The following ADGRG6 variants were observed in gnomAD, a reference collection of about 807,000 sequenced individuals.
ADGRG6 encodes the protein G-protein coupled receptor 126.
In ADGRG6, 84 loss-of-function variants were observed where a neutral mutation model predicts 142.4. The observed-to-expected ratio is 0.59, with a 90% CI of 0.49 to 0.71. The LOEUF (loss-of-function observed/expected upper bound fraction) is 0.71, where lower values mean the gene tolerates loss of function less well. ADGRG6 is among the 30% of genes least tolerant of loss of function. The pLI, the probability that ADGRG6 is intolerant of heterozygous loss-of-function variation, is 0.00. For missense variants in ADGRG6, 1,367 were observed against 1,466.6 expected (o/e 0.93, Z 1.11); for synonymous variants, 521 against 520.5 (o/e 1.00, Z -0.01).
intron 2 of ADGRG6, among the ~76,000 whole-genome samples, chr6:142,356,856 T>C (rs540503822): frequency 1.3e-5 from 2 of 152,148 alleles, no homozygotes; most frequent in South Asian, 4.1e-4. Context: ...AGGAAGGTGA[T>C]TTAGTCTGTC....
intron 6 of ADGRG6, among the ~76,000 whole-genome samples, chr6:142,385,046 A>G (rs1781958877): frequency 6.6e-6 from 1 of 152,018 alleles, no homozygotes; most frequent in African/African-American, 2.4e-5. Flanking sequence ...TATAATTCTA[A>G]CTAAGTATTT....
intron 2 of ADGRG6, among the ~76,000 whole-genome samples, chr6:142,364,205 T>C (rs148672093): frequency 1.9e-3 from 291 of 152,268 alleles, no homozygotes; most frequent in Non-Finnish European, 3.3e-3. Flanking sequence ...ATGTGAAAGC[T>C]TGTTATTGTG....
intron 9 of ADGRG6, among the ~76,000 whole-genome samples, chr6:142,396,628 A>G (rs759937693): frequency 2.0e-5 from 3 of 152,140 alleles, no homozygotes; most frequent in Non-Finnish European, 4.4e-5. Flanking sequence ...TAAAAACAAT[A>G]CTACCACTTT....
At chr6:142,350,992 T>C (rs1412135181) in intron 2 of ADGRG6, among the ~76,000 whole-genome samples, 1 of 152,032 alleles carries the variant, frequency 6.6e-6, no homozygotes, top group East Asian at 1.9e-4. Flanking sequence ...TCCCAGCACT[T>C]TGGGAGGCCA....
rs1775268423 is a variant in ADGRG6, at chr6:142,397,602, T to C, written c.1425-11T>C. 8.7e-6 allele frequency: 14 copies of C among 1,606,568 alleles called. No individual in the cohort carries two copies. The highest frequency in any genetic ancestry group is 1.1e-5 in the Non-Finnish European group (13 of 1,177,064). ...ACAACAACAACAGTTCTATCCGAAA[T>C]GTTTCCCTAGGTTGGTGCTTTGGGC... On this transcript the variant is annotated splice_polypyrimidine_tract_variant and intron_variant, in intron 9 of 24. Coordinates refer to ENST00000367609, the MANE Select transcript of ADGRG6 (RefSeq NM_198569.3).
Position 142,370,604 on chromosome 6 carries a change from G to A in ADGRG6, c.880G>A (p.Gly294Ser). The A allele has an allele frequency of 6.2e-7, 1 of 1,612,830 alleles. No individual in the cohort carries two copies. Among genetic ancestry groups the A allele is most frequent in the Non-Finnish European group, 8.5e-7 (1 of 1,178,992 alleles). The change falls in exon 4 of 25, where the codon GGC becomes AGC. Residue 294 changes from glycine to serine, a missense_variant. Gly to Ser is a moderately conservative substitution (Grantham distance 56, BLOSUM62 0). This residue lies in a region of ADGRG6 where 737 missense variants were observed against 746.5 expected (regional missense o/e 0.99). Transcript: ENST00000367609. ...TCCTGGGAATGGGAAATTGTTGTTGGGCTCCAATCAAAATGAAATTGTCTC... is the reference window on the plus strand; with the variant it reads ...TCCTGGGAATGGGAAATTGTTGTTGAGCTCCAATCAAAATGAAATTGTCTC... ...VIPGNGKLLL[G>S]SNQNEIVSLK...
At chr6:142,431,732 G>C (rs1249232659) in intron 22 of ADGRG6, among the ~76,000 whole-genome samples, 1 of 152,070 alleles carries the variant, frequency 6.6e-6, no homozygotes, top group African/African-American at 2.4e-5. Flanking sequence ...AGACCAGCCT[G>C]GCAAATATGG....
At chr6:142,421,013 G>A (rs1249022874) in intron 22 of ADGRG6, among the ~76,000 whole-genome samples, 1 of 152,110 alleles carries the variant, frequency 6.6e-6, no homozygotes, top group Non-Finnish European at 1.5e-5. Flanking sequence ...GATGTCTGGG[G>A]AAGAAATTGC....
At chr6:142,421,740 C>T (rs1187132094) in intron 22 of ADGRG6, among the ~76,000 whole-genome samples, 2 of 152,072 alleles carry the variant, frequency 1.3e-5, no homozygotes, top group Non-Finnish European at 2.9e-5. Flanking sequence ...AGCATGGGTC[C>T]CCTGTCAGGA....
chr6:142,367,863 G>T lies in ADGRG6; in HGVS notation c.398G>T (p.Ser133Ile). ...SANEMHVSFS[S>I]DFSIQKKGFN... is the part of the protein sequence containing the mutation. ...AATGAGATGCATGTGTCCTTTTCAA[G>T]TGACTTTAGCATCCAGAAGAAAGGT... is the stretch of plus-strand genomic sequence containing the variant. Residue 133 changes from serine (S) to isoleucine (I), a missense_variant, in exon 3 of 25, where the codon AGT becomes ATT. Coordinates refer to ENST00000367609, the MANE Select transcript of ADGRG6 (RefSeq NM_198569.3). The T allele has an allele frequency of 6.2e-7, 1 of 1,612,904 alleles. No homozygotes were observed.
chr6:142,363,306 A>C (rs1294239045), intron 2 of ADGRG6, among the ~76,000 whole-genome samples: 1 of 152,078 alleles, frequency 6.6e-6, no homozygotes, highest in Non-Finnish European at 1.5e-5. Context: ...ACTTGTGGCA[A>C]AGGTAGAGTA....
At chr6:142,390,370 T>C in intron 7 of ADGRG6, 27 bp downstream of exon 7, 1 of 1,345,234 alleles carries the variant, frequency 7.4e-7, no homozygotes, top group African/African-American at 1.5e-5. Context: ...CTTTTCTTTT[T>C]TAAAAAAATT....
chr6:142,320,321 A>T (rs1249234739), intron 2 of ADGRG6, among the ~76,000 whole-genome samples: 3 of 152,104 alleles, frequency 2.0e-5, no homozygotes, highest in Non-Finnish European at 4.4e-5. Context: ...AAAATACATT[A>T]AAAACTTAAA....
chr6:142,372,420 T>A (rs1225743894), intron 4 of ADGRG6, among the ~76,000 whole-genome samples: 2 of 152,182 alleles, frequency 1.3e-5, no homozygotes, highest in African/African-American at 4.8e-5. Flanking sequence ...GTAGCACCCT[T>A]ATGATGACTC....
At chr6:142,396,514 AT>A (rs1433518734) in intron 9 of ADGRG6, among the ~76,000 whole-genome samples, 2 of 152,134 alleles carry the variant, frequency 1.3e-5, no homozygotes, top group Non-Finnish European at 2.9e-5. Context: ...ATTCCTTCTT[AT>A]TTTTTAACAC....
chr6:142,418,046 G>A (rs1268856177), intron 21 of ADGRG6, among the ~76,000 whole-genome samples: 2 of 152,028 alleles, frequency 1.3e-5, no homozygotes, highest in African/African-American at 4.8e-5. Flanking sequence ...TATAATCCCA[G>A]CACTTTAGGA....
intron 2 of ADGRG6, among the ~76,000 whole-genome samples, chr6:142,333,208 T>C (rs952843076): frequency 6.6e-6 from 1 of 152,220 alleles, no homozygotes; most frequent in Non-Finnish European, 1.5e-5. Context: ...TGACTCAGTT[T>C]GATTTGTCAT....
At chr6:142,350,542 C>G (rs891744540) in intron 2 of ADGRG6, among the ~76,000 whole-genome samples, 3 of 152,180 alleles carry the variant, frequency 2.0e-5, no homozygotes, top group African/African-American at 7.2e-5. Flanking sequence ...TCTGCTATGG[C>G]TTCTTGTCTT....
intron 22 of ADGRG6, among the ~76,000 whole-genome samples, chr6:142,429,210 A>G (rs1220047131): frequency 2.0e-5 from 3 of 152,198 alleles, no homozygotes; most frequent in Non-Finnish European, 4.4e-5. Context: ...TAGTATTGGT[A>G]AACTAAGAAA....
Sources: gnomAD v4.1 joint callset for allele counts (sites outside exome capture counted in the v4.1 genomes callset) on GRCh38, gnomAD v4.1.1 for gene constraint, gnomAD v4.1.1 regional missense constraint, MANE v1.5 for transcripts, NCBI Gene and HGNC (gene_info 2026-07-23, HGNC 2026-07-21) for gene names.